ACVR1C: variants seen among roughly 807,000 people sequenced by gnomAD.
ACVR1C encodes the protein activin A receptor type 1C.
In ACVR1C, 23 loss-of-function variants were observed where a neutral mutation model predicts 57.9. That is an observed-to-expected ratio of 0.40 (90% CI 0.29 to 0.56). The LOEUF (loss-of-function observed/expected upper bound fraction) is 0.56, where lower values mean the gene tolerates loss of function less well. ACVR1C is among the 20% of genes least tolerant of loss of function. The pLI, the probability that ACVR1C is intolerant of heterozygous loss-of-function variation, is 0.50. For synonymous variants in ACVR1C, 214 were observed against 215.3 expected (o/e 0.99, Z 0.05); for missense variants, 480 against 607.9 (o/e 0.79, Z 2.21).
In ACVR1C at chr2:157,530,245, G is replaced by A. The variant is rs989728150; in HGVS notation, c.*3673C>T. 6.6e-6 allele frequency: 1 copy of A among 152,076 alleles called. No homozygotes were observed. The allele number at this position is 152,076 out of a possible 1,614,324, so 9.4% of individuals were successfully genotyped here. ...AATTTTCCAGTGGGAAATAAAATTTGTATATTTTAAATACATTTATTTAGC... is the reference window on the plus strand; with the variant it reads ...AATTTTCCAGTGGGAAATAAAATTTATATATTTTAAATACATTTATTTAGC... On this transcript the variant is annotated 3_prime_UTR_variant, in exon 9 of 9. Transcript: ENST00000243349.
chr2:157,626,277 T>A (rs1422135715), intron 1 of ACVR1C, among the ~76,000 whole-genome samples: 1 of 152,230 alleles, frequency 6.6e-6, no homozygotes, highest in East Asian at 1.9e-4. Context: ...CCAGCCTGAT[T>A]TTTTTAATTC....
Position 157,556,103 on chromosome 2 carries a change from T to C in ACVR1C, c.534A>G (p.Gly178=), listed in dbSNP as rs763202752. 1.9e-5 allele frequency: 31 copies of C among 1,614,068 alleles called. No individual in the cohort carries two copies. The highest frequency in any genetic ancestry group is 2.4e-5 in the Non-Finnish European group (28 of 1,180,026). ...KDLIYDVTAS[G]SGSGLPLLVQ... ...ACAATGGTAACATACCAGAGCCAGA[T>C]CCAGAGGCGGTCACATCATAAATCA... The change falls in exon 3 of 9, where the codon GGA becomes GGG. Residue 178 remains glycine (G), a synonymous_variant. Transcript: ENST00000243349.
At chr2:157,628,059 G>T (rs1475291788) in intron 1 of ACVR1C, among the ~76,000 whole-genome samples, 3 of 152,114 alleles carry the variant, frequency 2.0e-5, no homozygotes, top group African/African-American at 7.2e-5. Context: ...CCATAGCTTG[G>T]CATCTGCGGC....
At chr2:157,601,654 C>T (rs1448131684) in intron 1 of ACVR1C, among the ~76,000 whole-genome samples, 1 of 152,148 alleles carries the variant, frequency 6.6e-6, no homozygotes, top group Non-Finnish European at 1.5e-5. Flanking sequence ...TTTGTAGCTG[C>T]GTCTGAGTTT....
intron 1 of ACVR1C, among the ~76,000 whole-genome samples, chr2:157,601,244 G>T (rs1160439697): frequency 6.6e-6 from 1 of 152,052 alleles, no homozygotes; most frequent in East Asian, 1.9e-4. Context: ...TTGAACCCGG[G>T]AGGCGGAGGT....
rs113995819 is a variant in ACVR1C at position 157,587,191 on chromosome 2, T to C, written c.300A>G (p.Pro100=). ...DFCNNITLHL[P]TASPNAPKLG... Reference sequence around the variant, plus strand: ...GAACAAAGATAAACCCCTTACCTGTTGGAAGGTGCAGTGTTATGTTGTTGC... The same window carrying C: ...GAACAAAGATAAACCCCTTACCTGTCGGAAGGTGCAGTGTTATGTTGTTGC... The change falls in exon 2 of 9, where the codon CCA becomes CCG. Residue 100 remains proline (P), a synonymous_variant. Coordinates refer to ENST00000243349, the MANE Select transcript of ACVR1C (RefSeq NM_145259.3). The C allele has an allele frequency of 7.5e-6, 12 of 1,608,376 alleles. No homozygotes were observed. The highest frequency in any genetic ancestry group is 1.0e-5 in the Non-Finnish European group (12 of 1,174,900).
intron 1 of ACVR1C, among the ~76,000 whole-genome samples, chr2:157,609,737 T>G (rs1276280932): frequency 6.6e-6 from 1 of 152,086 alleles, no homozygotes; most frequent in Non-Finnish European, 1.5e-5. Flanking sequence ...TTACTGTTCT[T>G]GACTTCAAGT....
chr2:157,534,343 C>G (rs377037640), intron 8 of ACVR1C, among the ~76,000 whole-genome samples: 1 of 152,186 alleles, frequency 6.6e-6, no homozygotes, highest in South Asian at 2.1e-4. Flanking sequence ...GATGAAGAAA[C>G]AGTAAATTTA....
intron 1 of ACVR1C, among the ~76,000 whole-genome samples, chr2:157,593,508 T>C (rs1681995499): frequency 6.6e-6 from 1 of 152,196 alleles, no homozygotes; most frequent in Admixed American, 6.5e-5. Flanking sequence ...ATTTTTTTAA[T>C]TCAGAAAACT....
chr2:157,575,180 T>C (rs1335427855), intron 2 of ACVR1C, among the ~76,000 whole-genome samples: 1 of 150,910 alleles, frequency 6.6e-6, no homozygotes, highest in Non-Finnish European at 1.5e-5. Flanking sequence ...CTAGGCTGGA[T>C]AGCAATGGTG....
intron 3 of ACVR1C, among the ~76,000 whole-genome samples, chr2:157,555,346 C>T (rs1385915110): frequency 6.6e-6 from 1 of 151,612 alleles, no homozygotes; most frequent in Non-Finnish European, 1.5e-5. Context: ...GTCTCGATCT[C>T]CTGACCTCAT....
At chr2:157,567,576 C>G (rs1688425052) in intron 2 of ACVR1C, among the ~76,000 whole-genome samples, 1 of 18,866 alleles carries the variant, frequency 5.3e-5, no homozygotes, top group South Asian at 1.3e-3. Context: ...AATGCAGAAG[C>G]CTCAGGAGCC....
chr2:157,609,841 A>G (rs1682491317), intron 1 of ACVR1C, among the ~76,000 whole-genome samples: 1 of 151,746 alleles, frequency 6.6e-6, no homozygotes, highest in African/African-American at 2.4e-5. Flanking sequence ...TTCAGTGTAT[A>G]TGGGTCTTTA....
chr2:157,580,331 A>G (rs1688760853), intron 2 of ACVR1C, among the ~76,000 whole-genome samples: 1 of 152,196 alleles, frequency 6.6e-6, no homozygotes, highest in Non-Finnish European at 1.5e-5. Context: ...CATACTATAA[A>G]GTCATAAAAA....
At chr2:157,592,958 A>C (rs571135741) in intron 1 of ACVR1C, among the ~76,000 whole-genome samples, 1 of 152,210 alleles carries the variant, frequency 6.6e-6, no homozygotes, top group South Asian at 2.1e-4. Context: ...AAGGAAAACA[A>C]TTACCCATAA....
At chr2:157,548,898 A>G (rs1214917680) in intron 4 of ACVR1C, among the ~76,000 whole-genome samples, 1 of 152,224 alleles carries the variant, frequency 6.6e-6, no homozygotes, top group African/African-American at 2.4e-5. Flanking sequence ...CAATCAAAAG[A>G]GATAATATTT....
At chr2:157,609,039 G>C (rs1682470219) in intron 1 of ACVR1C, among the ~76,000 whole-genome samples, 2 of 151,142 alleles carry the variant, frequency 1.3e-5, no homozygotes, top group African/African-American at 4.8e-5. Flanking sequence ...TTGCTCTTGA[G>C]GTTCATTGAG....
chr2:157,555,138 G>GTC (rs1304010217), intron 3 of ACVR1C, among the ~76,000 whole-genome samples: 6 of 98,604 alleles, frequency 6.1e-5, no homozygotes, highest in Admixed American at 2.6e-4. Flanking sequence ...TTGAGACGGA[G>GTC]TCTCGCTCTG....
chr2:157,533,167 G>A lies in ACVR1C; in HGVS notation c.*751C>T, dbSNP rs1421020817. The A allele has an allele frequency of 2.6e-5, 4 of 152,150 alleles. No homozygotes were observed. Among genetic ancestry groups the A allele is most frequent in the Non-Finnish European group, 4.4e-5 (3 of 68,022 alleles). 9.4% of individuals were successfully genotyped at this position (152,150 alleles called of 1,614,324 possible). ...AAAGTAGGAAGCTAGCTAACCTTAC[G>A]GTGTTCATTATCACAAGATTTGGAC... On this transcript the variant is annotated 3_prime_UTR_variant, in exon 9 of 9. Coordinates refer to ENST00000243349, the MANE Select transcript of ACVR1C (RefSeq NM_145259.3).
Sources: gnomAD v4.1 joint callset for allele counts (sites outside exome capture counted in the v4.1 genomes callset) on GRCh38, gnomAD v4.1.1 for gene constraint, MANE v1.5 for transcripts, NCBI Gene and HGNC (gene_info 2026-07-23, HGNC 2026-07-21) for gene names.